The following PGPEP1 variants were observed in gnomAD, a reference collection of about 807,000 sequenced individuals.
PGPEP1 encodes the protein pyroglutamyl-peptidase I.
A neutral mutation model predicts 24.1 loss-of-function variants in PGPEP1; 15 were observed. The observed-to-expected ratio is 0.62, with a 90% CI of 0.42 to 0.96. PGPEP1 has a LOEUF of 0.96. Ranked by LOEUF, PGPEP1 falls within the 40% of genes least tolerant of loss-of-function variation. The pLI is 0.00. For missense variants in PGPEP1, 242 were observed against 273.4 expected (o/e 0.89, Z 0.81); for synonymous variants, 122 against 116.4 (o/e 1.05, Z -0.31).
rs987030728 is a variant in PGPEP1, at chr19:18,368,806, C to A, written c.*5223C>A. Reference sequence around the variant, plus strand: ...CTGGACAAAGCCCTATTCTCCGCAGCCCCAGCCTCTATCCTGAGGCCTCTG... The same window carrying A: ...CTGGACAAAGCCCTATTCTCCGCAGACCCAGCCTCTATCCTGAGGCCTCTG... On this transcript the variant is annotated 3_prime_UTR_variant, in exon 5 of 5. Transcript: ENST00000269919. 6.5e-6 allele frequency: 1 copy of A among 152,688 alleles called. No homozygotes were observed. The highest frequency in any genetic ancestry group is 1.5e-5 in the Non-Finnish European group (1 of 68,094). 9.5% of individuals were successfully genotyped at this position (152,688 alleles called of 1,614,324 possible).
chr19:18,345,046 A>C (rs1320956646), intron 2 of PGPEP1, among the ~76,000 whole-genome samples: 2 of 151,818 alleles, frequency 1.3e-5, no homozygotes, highest in African/African-American at 4.8e-5. Context: ...TGTTGCCCAG[A>C]CTGGAGTGCA....
chr19:18,350,398 C>T (rs1263197292), intron 2 of PGPEP1, among the ~76,000 whole-genome samples: 5 of 152,138 alleles, frequency 3.3e-5, no homozygotes, highest in African/African-American at 9.7e-5. Flanking sequence ...CATTTATAAA[C>T]GGTAAAATTT....
chr19:18,366,155 C>G lies in PGPEP1; in HGVS notation c.*2572C>G, dbSNP rs1418300801. ...ATTCCTCAAAGGTCTGGTCTGTGGG[C>G]CTCTGAGGAGAAAACAGGTCTAGCC... On this transcript the variant is annotated 3_prime_UTR_variant, in exon 5 of 5. Coordinates refer to ENST00000269919, the MANE Select transcript of PGPEP1 (RefSeq NM_017712.4). 6.6e-6 allele frequency: 1 copy of G among 152,176 alleles called. No homozygotes were observed. The highest frequency in any genetic ancestry group is 1.5e-5 in the Non-Finnish European group (1 of 68,090). 9.4% of individuals were successfully genotyped at this position (152,176 alleles called of 1,614,324 possible).
chr19:18,355,953 T>G lies in PGPEP1; in HGVS notation c.146T>G (p.Val49Gly), dbSNP rs565908679. 2 of 1,613,736 alleles carry G rather than the reference T, an allele frequency of 1.2e-6. No individual in the cohort carries two copies. The highest frequency in any genetic ancestry group is 1.1e-5 in the South Asian group (1 of 91,074). ...SVDLHVYEIP[V>G]EYQTVQRLIP... The stretch of plus-strand genomic sequence containing the variant: ...GACCTGCATGTGTACGAGATTCCGG[T>G]TGAGTACCAAACAGTCCAGAGACTC... Residue 49 changes from valine to glycine, a missense_variant, in exon 3 of 5, where the codon GTT becomes GGT. Coordinates refer to ENST00000269919, the MANE Select transcript of PGPEP1 (RefSeq NM_017712.4).
chr19:18,362,577 T>C (rs1971373182), intron 4 of PGPEP1, among the ~76,000 whole-genome samples: 1 of 148,710 alleles, frequency 6.7e-6, no homozygotes, highest in African/African-American at 2.5e-5. Flanking sequence ...AATACAAAAA[T>C]TAGCCAGACG....
Position 18,366,024 on chromosome 19 carries a change from T to G in PGPEP1, c.*2441T>G, listed in dbSNP as rs1053687670. 28 of 152,244 alleles carry G rather than the reference T, an allele frequency of 1.8e-4. No individual in the cohort carries two copies. Among genetic ancestry groups the G allele is most frequent in the African/African-American group, 6.5e-4 (27 of 41,534 alleles). The allele number at this position is 152,244 out of a possible 1,614,324, so 9.4% of individuals were successfully genotyped here. On this transcript the variant is annotated 3_prime_UTR_variant, in exon 5 of 5. Coordinates refer to ENST00000269919, the MANE Select transcript of PGPEP1 (RefSeq NM_017712.4). ...ACATCACTGCATCTGTCCCCCCAGC[T>G]TCTGTGAAGGGAAGCTGTGGCCTCT...
At chr19:18,354,472 G>A (rs1486678844) in intron 2 of PGPEP1, among the ~76,000 whole-genome samples, 2 of 152,130 alleles carry the variant, frequency 1.3e-5, no homozygotes, top group African/African-American at 4.8e-5. Flanking sequence ...TCCAGCCTGG[G>A]TGACAGAGTG....
Position 18,340,636 on chromosome 19 carries a change from C to T in PGPEP1, c.-46C>T, listed in dbSNP as rs944382157. ...GAGGCTGCAGCGGCAGCAGCTGTCG[C>T]GCCAGTCGCAACAGAAGCAGGTCCG... On this transcript the variant is annotated 5_prime_UTR_variant, in exon 1 of 5. Transcript: ENST00000269919. 11 of 1,506,816 alleles carry T rather than the reference C, an allele frequency of 7.3e-6. No homozygotes were observed. Among genetic ancestry groups the T allele is most frequent in the Non-Finnish European group, 9.7e-6 (11 of 1,129,884 alleles). The allele number at this position is 1,506,816 out of a possible 1,614,324, so 93.3% of individuals were successfully genotyped here.
rs937233649 is a variant in PGPEP1, at chr19:18,367,754, CA to C, written c.*4172del. The C allele has an allele frequency of 2.6e-5, 4 of 152,306 alleles. No individual in the cohort carries two copies. The highest frequency in any genetic ancestry group is 5.9e-5 in the Non-Finnish European group (4 of 68,162). The allele number at this position is 152,306 out of a possible 1,614,324, so 9.4% of individuals were successfully genotyped here. A position where few individuals can be genotyped will look rare whatever the true frequency, so the allele number is the denominator to read the frequency against. On this transcript the variant is annotated 3_prime_UTR_variant, in exon 5 of 5. Transcript: ENST00000269919. ...TTGGAGAGGCAGGGCTGGGCAGGGA[CA>C]GGGGGTGGGGGCCGAAATCACAGCT...
chr19:18,343,329 T>A (rs1489156461), intron 2 of PGPEP1, among the ~76,000 whole-genome samples: 1 of 152,102 alleles, frequency 6.6e-6, no homozygotes, highest in African/African-American at 2.4e-5. Context: ...CGGATCCACA[T>A]CTCTTCCTGG....
At chr19:18,345,609 C>A (rs577455826) in intron 2 of PGPEP1, among the ~76,000 whole-genome samples, 1 of 150,318 alleles carries the variant, frequency 6.7e-6, no homozygotes, top group East Asian at 2.0e-4. Context: ...CCTGTAGTCC[C>A]AGCTACTCGG....
At position 18,357,520 on chromosome 19, in the gene PGPEP1, A is replaced by G; in HGVS notation, c.342A>G (p.Glu114=). ...GSQCCVEDGP[E]SIDSIIDMDA... ...AGTGCTGCGTGGAGGACGGGCCTGA[A>G]AGCATTGACTCCATCATCGACATGG... Residue 114 remains glutamate, a synonymous_variant, in exon 4 of 5, where the codon GAA becomes GAG. Transcript: ENST00000269919. 1 of 1,613,518 alleles carries G rather than the reference A, an allele frequency of 6.2e-7. No individual in the cohort carries two copies. The highest frequency in any genetic ancestry group is 1.1e-5 in the South Asian group (1 of 90,942).
intron 2 of PGPEP1, among the ~76,000 whole-genome samples, chr19:18,347,270 CTTTTTTT>C (rs59936417): frequency 4.2e-5 from 4 of 94,420 alleles, no homozygotes; most frequent in Admixed American, 1.5e-4. Context: ...TTCTTTCTTT[CTTTTTTT>C]TTTTTTTTTT....
intron 3 of PGPEP1, 52 bp from the exon 4 acceptor site, chr19:18,357,331 C>A: frequency 7.0e-7 from 1 of 1,430,178 alleles, no homozygotes; most frequent in South Asian, 1.2e-5. Flanking sequence ...AGGGGGACCC[C>A]TCTGAGTCCC....
Position 18,365,293 on chromosome 19 carries a change from G to T in PGPEP1, c.*1710G>T, listed in dbSNP as rs755989084. 4 of 152,192 alleles carry T rather than the reference G, an allele frequency of 2.6e-5. No homozygotes were observed. The highest frequency in any genetic ancestry group is 5.9e-5 in the Non-Finnish European group (4 of 68,060). 9.4% of individuals were successfully genotyped at this position (152,192 alleles called of 1,614,324 possible). On this transcript the variant is annotated 3_prime_UTR_variant, in exon 5 of 5. Transcript: ENST00000269919. ...ATGTGGCTATACTGCTTCCCTGAGTGTGACACAGTTGGAATCTAATCTTGT... is the reference window on the plus strand; with the variant it reads ...ATGTGGCTATACTGCTTCCCTGAGTTTGACACAGTTGGAATCTAATCTTGT...
intron 4 of PGPEP1, chr19:18,361,785 A>AT (rs1240650174): frequency 1.0e-6 from 1 of 984,930 alleles, no homozygotes; most frequent in Non-Finnish European, 1.2e-6. Context: ...CTGCTTTATG[A>AT]TTTTATCTTG....
intron 1 of PGPEP1, 145 bp from the exon 2 acceptor site, chr19:18,342,714 C>G: frequency 1.5e-6 from 1 of 665,290 alleles, no homozygotes; most frequent in Non-Finnish European, 2.7e-6. Context: ...GCTCCCAGAA[C>G]TCAGGACCAG....
At chr19:18,357,304 G>A (rs1971210363) in intron 3 of PGPEP1, 79 bp from the exon 4 acceptor site, 1 of 1,005,030 alleles carries the variant, frequency 9.9e-7, no homozygotes, top group Non-Finnish European at 1.5e-6. Flanking sequence ...TAAGGATGCT[G>A]CCTTTTCCCT....
intron 2 of PGPEP1, among the ~76,000 whole-genome samples, chr19:18,350,605 G>A (rs1970992256): frequency 6.6e-6 from 1 of 152,252 alleles, no homozygotes; most frequent in African/African-American, 2.4e-5. Context: ...AAAATTAGAA[G>A]CCACTTAGAT....
Sources: gnomAD v4.1 joint callset for allele counts (sites outside exome capture counted in the v4.1 genomes callset) on GRCh38, gnomAD v4.1.1 for gene constraint, MANE v1.5 for transcripts, NCBI Gene and HGNC (gene_info 2026-07-23, HGNC 2026-07-21) for gene names.